The following KALRN variants were observed in gnomAD, a reference collection of about 807,000 sequenced individuals.
KALRN encodes kalirin RhoGEF kinase.
KALRN carries 70 observed loss-of-function variants against 353.7 expected under a neutral mutation model. The ratio of observed to expected loss-of-function variants is 0.20; its 90% confidence interval spans 0.16 to 0.24. KALRN has a LOEUF of 0.24. Ranked by LOEUF, KALRN falls within the 10% of genes least tolerant of loss-of-function variation. The pLI is 1.00. For missense variants in KALRN, 2,791 were observed against 3,756.7 expected (o/e 0.74, Z 6.72); for synonymous variants, 1,391 against 1,434.8 (o/e 0.97, Z 0.69).
At chr3:124,128,134 G>A (rs2064892514) in intron 1 of KALRN, among the ~76,000 whole-genome samples, 1 of 152,124 alleles carries the variant, frequency 6.6e-6, no homozygotes, top group East Asian at 1.9e-4. Flanking sequence ...GTAGGTGCTA[G>A]CAATGACTAA....
chr3:124,314,869 G>A (rs2078660022), intron 6 of KALRN, among the ~76,000 whole-genome samples: 1 of 152,078 alleles, frequency 6.6e-6, no homozygotes, highest in South Asian at 2.1e-4. Context: ...TGCCCAGGTT[G>A]GTCTCAAACT....
chr3:124,284,174 T>C (rs999899322), intron 5 of KALRN, among the ~76,000 whole-genome samples: 1 of 152,154 alleles, frequency 6.6e-6, no homozygotes, highest in Non-Finnish European at 1.5e-5. Context: ...GTCTCCCCTT[T>C]GCAATGAGAT....
At position 124,269,022 on chromosome 3, in the gene KALRN, G is replaced by A; in HGVS notation, c.736G>A (p.Glu246Lys). ...AAAGGTGCTGAAGGCCCCTGTGGAG[G>A]AGCTGGACCGGGAGGGGCAGCGGCT... ...KKKVLKAPVE[E>K]LDREGQRLLQ... is the part of the protein sequence containing the mutation. The change falls in exon 5 of 60, where the codon GAG becomes AAG. Residue 246 changes from glutamate to lysine, a missense_variant. By Grantham distance (56) the Glu-to-Lys change is moderately conservative. Around this residue, in one of 11 missense-constraint regions of KALRN, gnomAD observed 366 missense variants for 489.2 expected, o/e 0.75. Coordinates refer to ENST00000682506, the MANE Select transcript of KALRN (RefSeq NM_001388419.1). The A allele has an allele frequency of 6.2e-7, 1 of 1,613,792 alleles. No individual in the cohort carries two copies. The highest frequency in any genetic ancestry group is 1.3e-5 in the African/African-American group (1 of 75,070).
At chr3:124,331,458 AC>A (rs2080545356) in intron 8 of KALRN, among the ~76,000 whole-genome samples, 1 of 152,208 alleles carries the variant, frequency 6.6e-6, no homozygotes. Context: ...ATTGTACCCA[AC>A]AAAAATTTAA....
chr3:124,374,771 C>T (rs2086349303), intron 10 of KALRN, among the ~76,000 whole-genome samples: 1 of 152,176 alleles, frequency 6.6e-6, no homozygotes, highest in Admixed American at 6.5e-5. Context: ...ATACAGAAAA[C>T]AGGAAAAACA....
chr3:124,040,871 T>G (rs1383675863), intron 1 of KALRN, among the ~76,000 whole-genome samples: 1 of 152,180 alleles, frequency 6.6e-6, no homozygotes, highest in Non-Finnish European at 1.5e-5. Context: ...CTTGAAGGCA[T>G]GCTAGGCAGG....
chr3:124,421,977 A>G (rs1040662885), intron 14 of KALRN, among the ~76,000 whole-genome samples: 1 of 152,208 alleles, frequency 6.6e-6, no homozygotes, highest in African/African-American at 2.4e-5. Flanking sequence ...TTGACAGTTT[A>G]TTAATGTTGG....
At chr3:124,500,927 T>C (rs1489386616) in intron 33 of KALRN, among the ~76,000 whole-genome samples, 1 of 152,248 alleles carries the variant, frequency 6.6e-6, no homozygotes, top group Non-Finnish European at 1.5e-5. Context: ...CAAGCAGGGC[T>C]GAGTAATGAG....
chr3:124,081,770 A>G (rs998933208), intron 1 of KALRN, among the ~76,000 whole-genome samples: 4 of 152,182 alleles, frequency 2.6e-5, no homozygotes, highest in African/African-American at 9.7e-5. Context: ...AAAAACAAGC[A>G]AACAAAAAAC....
chr3:124,665,209 A>G (rs1333020737), intron 45 of KALRN, among the ~76,000 whole-genome samples: 1 of 152,200 alleles, frequency 6.6e-6, no homozygotes, highest in East Asian at 1.9e-4. Context: ...TGCATTTCAG[A>G]GGAGGCCCTC....
chr3:124,498,909 C>T (rs868845470), intron 33 of KALRN, among the ~76,000 whole-genome samples: 18 of 151,406 alleles, frequency 1.2e-4, no homozygotes, highest in Admixed American at 4.0e-4. Flanking sequence ...GGCCAGGGAA[C>T]GCTGGTTTCT....
intron 33 of KALRN, among the ~76,000 whole-genome samples, chr3:124,502,560 C>G (rs1376550666): frequency 6.6e-6 from 1 of 152,206 alleles, no homozygotes; most frequent in Admixed American, 6.5e-5. Context: ...AACTAGGTAC[C>G]AGCTGCATGA....
chr3:124,046,982 T>C (rs1182993441), intron 1 of KALRN, among the ~76,000 whole-genome samples: 1 of 144,242 alleles, frequency 6.9e-6, no homozygotes, highest in Non-Finnish European at 1.5e-5. Context: ...AGGAAATGTA[T>C]CTTTTTTTTT....
At chr3:124,065,364 A>G (rs955847757) in intron 1 of KALRN, among the ~76,000 whole-genome samples, 2 of 152,134 alleles carry the variant, frequency 1.3e-5, no homozygotes, top group African/African-American at 2.4e-5. Context: ...AAATTTGAAT[A>G]TAGGATGGTT....
chr3:124,557,600 TTTTGCCAGCCAGCTCTGGCCTCCTG>T (rs1239084445), intron 33 of KALRN, among the ~76,000 whole-genome samples: 4 of 152,166 alleles, frequency 2.6e-5, no homozygotes, highest in Admixed American at 6.5e-5. Flanking sequence ...GCTTTACATT[TTTTGCCAGCCAGCTCTGGCCTCCTG>T]TGAGGCTGTT....
Position 124,671,681 on chromosome 3 carries a change from A to G in KALRN, c.6725A>G (p.Tyr2242Cys). ...ACAGCACTGCAATCGCCCATTGAGT[A>G]TCAACGGAAAGAAAGGAGCACAGCT... The part of the protein sequence containing the change: ...FLNALQSPIE[Y>C]QRKERSTAVM... Residue 2242 changes from tyrosine (Y) to cysteine (C), a missense_variant, in exon 48 of 60, where the codon TAT becomes TGT. Tyr to Cys is a radical substitution (Grantham distance 194, BLOSUM62 -2). Around this residue, in one of 11 missense-constraint regions of KALRN, gnomAD observed 1,065 missense variants for 1,156.4 expected, o/e 0.92. Coordinates refer to ENST00000682506, the MANE Select transcript of KALRN (RefSeq NM_001388419.1). The G allele has an allele frequency of 6.2e-7, 1 of 1,612,988 alleles. No homozygotes were observed. Among genetic ancestry groups the G allele is most frequent in the East Asian group, 2.2e-5 (1 of 44,870 alleles).
chr3:124,260,765 G>C (rs2072739606), intron 3 of KALRN, among the ~76,000 whole-genome samples: 1 of 152,142 alleles, frequency 6.6e-6, no homozygotes, highest in Admixed American at 6.5e-5. Context: ...GGCACTCAGA[G>C]CTGCACTCTC....
intron 10 of KALRN, among the ~76,000 whole-genome samples, chr3:124,377,566 T>G (rs530239532): frequency 1.2e-3 from 184 of 152,234 alleles, no homozygotes; most frequent in African/African-American, 4.0e-3. Context: ...CAGACCACGT[T>G]GGTTGAGAGT....
intron 34 of KALRN, among the ~76,000 whole-genome samples, chr3:124,571,496 G>T (rs899398347): frequency 2.0e-5 from 3 of 152,072 alleles, no homozygotes; most frequent in African/African-American, 7.2e-5. Flanking sequence ...TTTTTTCCTG[G>T]TTATTCCCTA....
Sources: gnomAD v4.1 joint callset for allele counts (sites outside exome capture counted in the v4.1 genomes callset) on GRCh38, gnomAD v4.1.1 for gene constraint, gnomAD v4.1.1 regional missense constraint, MANE v1.5 for transcripts, NCBI Gene and HGNC (gene_info 2026-07-23, HGNC 2026-07-21) for gene names.